The following FRMD3 variants were observed in gnomAD, a reference collection of about 807,000 sequenced individuals.
The protein encoded by FRMD3 is FERM domain-containing protein 3.
A neutral mutation model predicts 70.2 loss-of-function variants in FRMD3; 33 were observed. The ratio of observed to expected loss-of-function variants is 0.47; its 90% CI spans 0.36 to 0.63. The LOEUF (loss-of-function observed/expected upper bound fraction) is 0.63, where lower values mean the gene tolerates loss of function less well. Ranked by LOEUF, FRMD3 falls within the 20% of genes least tolerant of loss-of-function variation. The probability of loss-of-function intolerance (pLI) is 0.00; values close to 1 mark genes in which losing one functional copy is unlikely to be tolerated. For synonymous variants in FRMD3, 279 were observed against 255.9 expected (o/e 1.09, Z -0.86); for missense variants, 632 against 711.4 (o/e 0.89, Z 1.27).
chr9:83,459,772 A>T (rs1178714675), intron 1 of FRMD3, among the ~76,000 whole-genome samples: 1 of 152,240 alleles, frequency 6.6e-6, no homozygotes, highest in South Asian at 2.1e-4. Flanking sequence ...ATAACAAAAT[A>T]TGACAGACTG....
intron 1 of FRMD3, among the ~76,000 whole-genome samples, chr9:83,410,795 C>T (rs1826257287): frequency 6.6e-6 from 1 of 152,214 alleles, no homozygotes; most frequent in African/African-American, 2.4e-5. Flanking sequence ...CTTTTCTCTG[C>T]AGCCTCACCA....
At chr9:83,531,095 T>C (rs985812112) in intron 1 of FRMD3, among the ~76,000 whole-genome samples, 2 of 152,120 alleles carry the variant, frequency 1.3e-5, no homozygotes, top group African/African-American at 4.8e-5. Context: ...GGGTATCCTA[T>C]GAAAATGTGA....
chr9:83,349,863 G>T (rs535212794), intron 3 of FRMD3, 106 bp from the exon 4 acceptor site: 27 of 767,470 alleles, frequency 3.5e-5, no homozygotes, highest in Admixed American at 2.5e-4. Flanking sequence ...CCTGGGGAGT[G>T]GGGGCCAGGA....
chr9:83,536,909 G>A (rs956691320), intron 1 of FRMD3, among the ~76,000 whole-genome samples: 4 of 130,042 alleles, frequency 3.1e-5, no homozygotes, highest in Non-Finnish European at 4.7e-5. Context: ...ACTGACATGG[G>A]TGGTGTGCCC....
intron 3 of FRMD3, among the ~76,000 whole-genome samples, chr9:83,355,339 G>A (rs1320733018): frequency 1.3e-5 from 2 of 152,198 alleles, no homozygotes; most frequent in African/African-American, 4.8e-5. Context: ...TCTCCCAACA[G>A]TATTATCATG....
In FRMD3 at chr9:83,297,636, T is replaced by A. The variant is rs551287302; in HGVS notation, c.1070+1112A>T. 5.2e-4 allele frequency: 223 copies of A among 426,762 alleles called. 1 individual carries two copies. The highest frequency in any genetic ancestry group is 7.8e-4 in the Non-Finnish European group (163 of 208,132). The allele number at this position is 426,762 out of a possible 1,614,324, so 26.4% of individuals were successfully genotyped here. A position where few individuals can be genotyped will look rare whatever the true frequency, so the allele number is the denominator to read the frequency against. ...GAGGGAACCATAAAGACTTTTCTCA[T>A]TGGTGGGCAGGCTGCACTTTCAGGA... On this transcript the variant is annotated intron_variant, in intron 12 of 13. Coordinates refer to ENST00000304195, the MANE Select transcript of FRMD3 (RefSeq NM_174938.6).
At chr9:83,571,467 C>G in the FRMD3 span, among the ~76,000 whole-genome samples, 1 of 152,192 alleles carries the variant, frequency 6.6e-6, no homozygotes, top group African/African-American at 2.4e-5. Context: ...AATTGCCATT[C>G]ATGAAAATAG....
intron 1 of FRMD3, among the ~76,000 whole-genome samples, chr9:83,405,795 C>T (rs1826084658): frequency 6.6e-6 from 1 of 151,836 alleles, no homozygotes; most frequent in African/African-American, 2.4e-5. Context: ...TCCATCATCT[C>T]CCTCCAAGCC....
intron 1 of FRMD3, among the ~76,000 whole-genome samples, chr9:83,535,758 G>A (rs770232986): frequency 3.3e-5 from 5 of 152,162 alleles, no homozygotes; most frequent in Non-Finnish European, 5.9e-5. Flanking sequence ...CAGACACCAG[G>A]GATGAGAGCT....
rs985727728 is a variant in FRMD3 at position 83,245,351 on chromosome 9, C to G, written c.*2567G>C. 1 of 985,302 alleles carries G rather than the reference C, an allele frequency of 1.0e-6. No individual in the cohort carries two copies. The highest frequency in any genetic ancestry group is 1.7e-5 in the African/African-American group (1 of 57,238). The allele number at this position is 985,302 out of a possible 1,614,324, so 61.0% of individuals were successfully genotyped here. A position where few individuals can be genotyped will look rare whatever the true frequency, so the allele number is the denominator to read the frequency against. On this transcript the variant is annotated 3_prime_UTR_variant, in exon 14 of 14. Transcript: ENST00000304195. The stretch of plus-strand genomic sequence containing the variant: ...AACTGGTGACTATCTTCTAACAAAA[C>G]TTAAATGGATGTTTCTAAAAGGCTC...
intron 6 of FRMD3, among the ~76,000 whole-genome samples, chr9:83,326,940 C>A (rs1218272022): frequency 6.6e-6 from 1 of 152,180 alleles, no homozygotes; most frequent in Non-Finnish European, 1.5e-5. Flanking sequence ...CAAAAAGGAA[C>A]AATTTCCCTT....
chr9:83,256,122 A>G (rs1483592933), intron 13 of FRMD3, among the ~76,000 whole-genome samples: 1 of 152,208 alleles, frequency 6.6e-6, no homozygotes, highest in African/African-American at 2.4e-5. Flanking sequence ...TTCAAACTAT[A>G]CTACAAGGCT....
chr9:83,415,346 G>A (rs929731839), intron 1 of FRMD3, among the ~76,000 whole-genome samples: 1 of 152,122 alleles, frequency 6.6e-6, no homozygotes, highest in African/African-American at 2.4e-5. Flanking sequence ...ACCATTGCAA[G>A]CTGCCTGGAA....
intron 3 of FRMD3, among the ~76,000 whole-genome samples, chr9:83,363,691 A>C (rs1824689877): frequency 1.3e-5 from 2 of 151,138 alleles, no homozygotes; most frequent in South Asian, 2.1e-4. Context: ...AGTAGCTGGG[A>C]CTACAGGCGC....
chr9:83,333,347 T>C (rs1260222148), intron 6 of FRMD3, among the ~76,000 whole-genome samples: 1 of 152,254 alleles, frequency 6.6e-6, no homozygotes. Flanking sequence ...ATGGCAGCTT[T>C]GATCAAACCA....
At chr9:83,533,556 G>A (rs373230733) in intron 1 of FRMD3, among the ~76,000 whole-genome samples, 8 of 152,238 alleles carry the variant, frequency 5.3e-5, no homozygotes, top group South Asian at 2.1e-4. Flanking sequence ...TCTGATTCCC[G>A]ATCTAATGCT....
Position 83,248,118 on chromosome 9 carries a change from G to A in FRMD3, c.1594C>T (p.Leu532Phe). 1.9e-6 allele frequency: 3 copies of A among 1,614,176 alleles called. No homozygotes were observed. In the South Asian group the frequency reaches 3.3e-5, roughly 18 times the overall value. Residue 532 changes from leucine (L) to phenylalanine (F), a missense_variant, in exon 14 of 14, where the codon CTT (leucine) becomes TTT (phenylalanine). Physicochemically the swap from Leu to Phe is conservative, Grantham distance 22 (BLOSUM62 0). This residue lies in a region of FRMD3 where 418 missense variants were observed against 442.1 expected (regional missense o/e 0.95). Coordinates refer to ENST00000304195, the MANE Select transcript of FRMD3 (RefSeq NM_174938.6). ...AGCAGCAGTCCCAGGCCCACCACAAGGAGCCTGGAAAAACTCTTGACCAGT... is the reference window on the plus strand; with the variant it reads ...AGCAGCAGTCCCAGGCCCACCACAAAGAGCCTGGAAAAACTCTTGACCAGT... ...NPLVKSFSRL[L>F]VVGLGLLLFV...
At chr9:83,355,293 G>A (rs886194627) in intron 3 of FRMD3, among the ~76,000 whole-genome samples, 3 of 152,166 alleles carry the variant, frequency 2.0e-5, no homozygotes, top group Non-Finnish European at 4.4e-5. Flanking sequence ...TGATGAAGGA[G>A]CTATCTGCGC....
chr9:83,319,021 A>G (rs369478449), intron 6 of FRMD3, among the ~76,000 whole-genome samples: 5 of 151,666 alleles, frequency 3.3e-5, no homozygotes, highest in African/African-American at 1.2e-4. Context: ...GAGTTGTTTG[A>G]GTTCCATGTA....
Sources: allele counts gnomAD v4.1 joint callset (sites outside exome capture counted in the v4.1 genomes callset), GRCh38; gene constraint gnomAD v4.1.1; regional missense constraint gnomAD v4.1.1; transcripts MANE v1.5; gene names NCBI Gene and HGNC (gene_info 2026-07-23, HGNC 2026-07-21).